The following MYLK3 variants were observed in gnomAD, a reference collection of about 807,000 sequenced individuals.
MYLK3 encodes the protein MLC kinase.
A neutral mutation model predicts 76.3 loss-of-function variants in MYLK3; 55 were observed. The ratio of observed to expected loss-of-function variants is 0.72; its 90% confidence interval spans 0.58 to 0.90. MYLK3 has a LOEUF of 0.90. Ranked by LOEUF, MYLK3 falls within the 40% of genes least tolerant of loss-of-function variation. The pLI, the probability that MYLK3 is intolerant of heterozygous loss-of-function variation, is 0.00. For missense variants in MYLK3, 973 were observed against 1,053.6 expected (o/e 0.92, Z 1.06); for synonymous variants, 416 against 425.4 (o/e 0.98, Z 0.27).
At chr16:46,740,187 A>G (rs750997586) in intron 1 of MYLK3, 40 bp from the exon 2 acceptor site, 2 of 1,541,818 alleles carry the variant, frequency 1.3e-6, no homozygotes, top group South Asian at 1.1e-5. Flanking sequence ...ATTATCATCA[A>G]CATTGCCATT....
At chr16:46,729,508 G>T (rs564472600) in intron 6 of MYLK3, 86 bp downstream of exon 6, 189 of 1,228,004 alleles carry the variant, frequency 1.5e-4, no homozygotes, top group Non-Finnish European at 1.9e-4. Context: ...AGCATTTCCA[G>T]CTCAGCATGG....
Position 46,747,871 on chromosome 16 carries a change from C to T in MYLK3, c.323G>A (p.Gly108Asp), listed in dbSNP as rs1433738159. 1.2e-6 allele frequency: 2 copies of T among 1,613,926 alleles called. No homozygotes were observed. The highest frequency in any genetic ancestry group is 2.7e-5 in the African/African-American group (2 of 74,940). The change falls in exon 1 of 13, where the codon GGT (glycine) becomes GAT (aspartate). Residue 108 changes from glycine to aspartate, a missense_variant. Physicochemically the swap from Gly to Asp is moderately conservative, Grantham distance 94 (BLOSUM62 -1). Transcript: ENST00000394809. The stretch of plus-strand genomic sequence containing the variant: ...CCTGAAGAGGGCCTCCAGCCTGGCA[C>T]CGTGCTGGGCCGCATCCTGCTGCAT... Reference protein sequence around the residue: ...RAMQQDAAQHGARLEALFRMV... With the variant: ...RAMQQDAAQHDARLEALFRMV...
At chr16:46,751,071 C>T (rs1967118234), upstream of MYLK3, among the ~76,000 whole-genome samples, 1 of 151,614 alleles carries the variant, frequency 6.6e-6, no homozygotes, top group Non-Finnish European at 1.5e-5. Context: ...CTAAATGAAT[C>T]CAGAGGAAAA....
chr16:46,712,792 G>T lies in MYLK3; in HGVS notation c.1986-16C>A. ...AGGCTTGTACCTGGGGAGAAGGGGA[G>T]GGTACAAAGAAGCATGGGGTGAGGC... On this transcript the variant is annotated splice_polypyrimidine_tract_variant and intron_variant, in intron 9 of 12. Transcript: ENST00000394809. 1 of 1,576,510 alleles carries T rather than the reference G, an allele frequency of 6.3e-7. No individual in the cohort carries two copies. Among genetic ancestry groups the T allele is most frequent in the South Asian group, 1.2e-5 (1 of 84,898 alleles).
At chr16:46,727,646 C>T (rs544438916) in intron 7 of MYLK3, among the ~76,000 whole-genome samples, 157 of 152,320 alleles carry the variant, frequency 1.0e-3, no homozygotes, top group African/African-American at 3.8e-3. Flanking sequence ...CCTGCCTCAG[C>T]TTTCCAAGTA....
chr16:46,731,273 C>T (rs764038594), intron 4 of MYLK3, among the ~76,000 whole-genome samples: 11 of 152,178 alleles, frequency 7.2e-5, no homozygotes, highest in Non-Finnish European at 1.3e-4. Context: ...GGGGATCTGT[C>T]GGCAAGGGAA....
intron 8 of MYLK3, among the ~76,000 whole-genome samples, chr16:46,724,813 T>C (rs1966833312): frequency 6.6e-6 from 1 of 152,250 alleles, no homozygotes; most frequent in Non-Finnish European, 1.5e-5. Context: ...TAGGATTTCA[T>C]TAATATCTGG....
At chr16:46,746,918 G>A (rs928968444) in intron 1 of MYLK3, among the ~76,000 whole-genome samples, 3 of 152,126 alleles carry the variant, frequency 2.0e-5, no homozygotes, top group Non-Finnish European at 4.4e-5. Context: ...CCTGTCCTCG[G>A]CAGGCAGCCG....
At position 46,732,408 on chromosome 16, in the gene MYLK3, C is replaced by A; in HGVS notation, c.1262G>T (p.Gly421Val). The A allele has an allele frequency of 6.2e-7, 1 of 1,613,580 alleles. No homozygotes were observed. ...GCTTGGTCTCGTGCCAGGCTCGGCC[C>A]CAGCCCTTTGCTCCTCCTCTGCCTT... ...GVKAEEEQRA[G>V]AEPGTRPSLA... is the part of the protein sequence containing the mutation. The change falls in exon 4 of 13, where the codon GGG (glycine) becomes GTG (valine). Residue 421 changes from glycine to valine, a missense_variant. Physicochemically the swap from Gly to Val is moderately radical, Grantham distance 109. Transcript: ENST00000394809.
In MYLK3 at chr16:46,721,194, C is replaced by A. The variant is rs765089938; in HGVS notation, c.1915-1G>T. On this transcript the variant is annotated splice_acceptor_variant, in intron 8 of 12. Transcript: ENST00000394809. LOFTEE classifies it high-confidence loss of function. ...GATTGACGCACAATATGTTCTCCGG[C>A]TGGGAAAGAAAGAAGTCTGCTTAGC... 6.2e-6 allele frequency: 10 copies of A among 1,614,176 alleles called. No individual in the cohort carries two copies. In the East Asian group the frequency reaches 2.2e-4, roughly 36 times the overall value.
rs1966607367 is a variant in MYLK3, at chr16:46,704,543, T to A, written c.*3161A>T. 1 of 152,160 alleles carries A rather than the reference T, an allele frequency of 6.6e-6. No homozygotes were observed. The highest frequency in any genetic ancestry group is 2.4e-5 in the African/African-American group (1 of 41,430). 9.4% of individuals were successfully genotyped at this position (152,160 alleles called of 1,614,324 possible). A position where few individuals can be genotyped will look rare whatever the true frequency, so the allele number is the denominator to read the frequency against. On this transcript the variant is annotated 3_prime_UTR_variant, in exon 13 of 13. Transcript: ENST00000394809. Reference sequence around the variant, plus strand: ...TCACTGCAACCTCCACCCCCTGGGTTCAAGTGATTCTCTGGCCTCAGCCTC... The same window carrying A: ...TCACTGCAACCTCCACCCCCTGGGTACAAGTGATTCTCTGGCCTCAGCCTC...
At chr16:46,751,531 C>T (rs941618765), upstream of MYLK3, among the ~76,000 whole-genome samples, 1 of 152,226 alleles carries the variant, frequency 6.6e-6, no homozygotes, top group African/African-American at 2.4e-5. Context: ...GAGGGCAGAC[C>T]AAGCCTCTTG....
intron 5 of MYLK3, 29 bp from the exon 6 acceptor site, chr16:46,729,716 G>A: frequency 6.3e-7 from 1 of 1,598,352 alleles, no homozygotes; most frequent in Non-Finnish European, 8.6e-7. Context: ...ACGGCAGGCT[G>A]AGAGCCCAGA....
chr16:46,754,364 T>G (rs190799032), intron 1 of MYLK3, among the ~76,000 whole-genome samples: 2 of 151,538 alleles, frequency 1.3e-5, no homozygotes, highest in African/African-American at 4.8e-5. Flanking sequence ...AAAATTCATG[T>G]CAAAATTTAA....
intron 11 of MYLK3, 35 bp downstream of exon 11, chr16:46,710,602 A>G (rs368966611): frequency 6.2e-7 from 1 of 1,612,706 alleles, no homozygotes; most frequent in African/African-American, 1.3e-5. Context: ...GGTCCCCATC[A>G]GAAGGGCCCA....
At chr16:46,756,096 G>T (rs1967197442) in intron 1 of MYLK3, among the ~76,000 whole-genome samples, 1 of 151,986 alleles carries the variant, frequency 6.6e-6, no homozygotes, top group Non-Finnish European at 1.5e-5. Flanking sequence ...TTTCAGTAGA[G>T]ATGGGCTTTC....
Position 46,715,286 on chromosome 16 carries a change from G to C in MYLK3, c.1986-2510C>G, listed in dbSNP as rs113597895. On this transcript the variant is annotated intron_variant, in intron 9 of 12. Transcript: ENST00000394809. The stretch of plus-strand genomic sequence containing the variant: ...TAAGTACTAGTTAAAGTTGCATCCA[G>C]CATACCACTCCCCCAGCTAAATCAC... Among the ~76,000 whole-genome samples the C allele has an allele frequency of 8.8e-3, 1,337 of 152,276 alleles. 19 individuals carry two copies. The highest frequency in any genetic ancestry group is 0.031 in the African/African-American group (1,274 of 41,546).
At chr16:46,739,538 C>T (rs1270526301) in intron 2 of MYLK3, among the ~76,000 whole-genome samples, 1 of 151,954 alleles carries the variant, frequency 6.6e-6, no homozygotes, top group Non-Finnish European at 1.5e-5. Context: ...GACAACAAGA[C>T]CAACCCCTCA....
intron 9 of MYLK3, among the ~76,000 whole-genome samples, chr16:46,714,360 G>C (rs554061555): frequency 6.6e-6 from 1 of 152,298 alleles, no homozygotes; most frequent in African/African-American, 2.4e-5. Flanking sequence ...TCAGCTTTCA[G>C]AGAGCAGTCT....
Sources: allele counts gnomAD v4.1 joint callset (sites outside exome capture counted in the v4.1 genomes callset), GRCh38; gene constraint gnomAD v4.1.1; transcripts MANE v1.5; gene names NCBI Gene and HGNC (gene_info 2026-07-23, HGNC 2026-07-21).